PRPF39: variants seen among roughly 807,000 people sequenced by gnomAD.
The protein encoded by PRPF39 is pre-mRNA processing factor 39.
A neutral mutation model predicts 82.1 loss-of-function variants in PRPF39; 27 were observed. The ratio of observed to expected loss-of-function variants is 0.33; its 90% confidence interval spans 0.24 to 0.45. The LOEUF is 0.45. PRPF39 is among the 20% of genes least tolerant of loss of function. PRPF39 has a pLI of 1.00. For missense variants in PRPF39, 581 were observed against 796.9 expected, an observed-to-expected ratio of 0.73 and a Z score of 3.26; for synonymous variants, 261 against 256.4, an observed-to-expected ratio of 1.02 and a Z score of -0.17.
chr14:45,105,685 C>T (rs368654047), intron 5 of PRPF39, among the ~76,000 whole-genome samples: 9 of 151,922 alleles, frequency 5.9e-5, no homozygotes, highest in South Asian at 2.1e-4. Flanking sequence ...CGCCCCGACA[C>T]GGAGCTAATT....
At chr14:45,097,301 C>A (rs1054321379) in intron 4 of PRPF39, among the ~76,000 whole-genome samples, 5 of 144,040 alleles carry the variant, frequency 3.5e-5, no homozygotes, top group Admixed American at 1.4e-4. Flanking sequence ...TGCTCTTTGA[C>A]TTTTTTTTTT....
At chr14:45,097,109 C>T in intron 4 of PRPF39, 104 bp downstream of exon 4, 1 of 1,385,176 alleles carries the variant, frequency 7.2e-7, no homozygotes, top group Non-Finnish European at 9.4e-7. Flanking sequence ...AACTTCTATT[C>T]CATTGTTAAA....
chr14:45,106,707 C>T (rs1001192433), intron 5 of PRPF39, among the ~76,000 whole-genome samples: 1 of 151,926 alleles, frequency 6.6e-6, no homozygotes, highest in African/African-American at 2.4e-5. Context: ...TTATTTCAAG[C>T]TGTATGAATG....
At chr14:45,094,604 A>T (rs912392282) in intron 1 of PRPF39, among the ~76,000 whole-genome samples, 2 of 152,192 alleles carry the variant, frequency 1.3e-5, no homozygotes, top group Non-Finnish European at 2.9e-5. Context: ...TTCACTTTAA[A>T]AATTACTGTT....
In PRPF39 at chr14:45,114,262, G is replaced by A; in HGVS notation, c.1832+5G>A. 1 of 1,579,528 alleles carries A rather than the reference G, an allele frequency of 6.3e-7. No individual in the cohort carries two copies. The highest frequency in any genetic ancestry group is 8.7e-7 in the Non-Finnish European group (1 of 1,153,450). ...AAAAAGGAAAGCAGAAAATGGGTAT[G>A]TCACTTTTTGCTAAGTCAAGAAGGC... On this transcript the variant is annotated splice_donor_5th_base_variant and intron_variant, in intron 12 of 13. Transcript: ENST00000355765.
intron 7 of PRPF39, among the ~76,000 whole-genome samples, chr14:45,109,040 TTAAC>T (rs1477086070): frequency 6.6e-6 from 1 of 152,188 alleles, no homozygotes; most frequent in African/African-American, 2.4e-5. Flanking sequence ...AAATAACACC[TTAAC>T]TTTTAGTTGT....
Position 45,110,890 on chromosome 14 carries a change from T to A in PRPF39, c.1572+73T>A. The A allele has an allele frequency of 1.5e-6, 2 of 1,338,144 alleles. No individual in the cohort carries two copies. The highest frequency in any genetic ancestry group is 2.0e-6 in the Non-Finnish European group (2 of 985,206). The allele number at this position is 1,338,144 out of a possible 1,614,324, so 82.9% of individuals were successfully genotyped here. On this transcript the variant is annotated intron_variant, in intron 10 of 13. Transcript: ENST00000355765. This position sits in a 1 kb window ranked among gnomAD's most constrained non-coding sequence, Gnocchi z 4.0. ...GTCAGTGTATTTTCACTGTGGCAAC[T>A]GTGATGAAAGATTTGGTCTGTATGT... is the stretch of plus-strand genomic sequence containing the variant.
chr14:45,084,384 T>G (rs1480185133), intron 1 of PRPF39, 135 bp downstream of exon 1: 1 of 152,496 alleles, frequency 6.6e-6, no homozygotes, highest in Non-Finnish European at 1.5e-5. Context: ...TGGCTCGGAT[T>G]CAGCGCTCAG....
chr14:45,101,470 T>C (rs80172070), intron 4 of PRPF39, among the ~76,000 whole-genome samples: 14 of 152,206 alleles, frequency 9.2e-5, no homozygotes, highest in African/African-American at 3.1e-4. Context: ...CTTTTTTTTT[T>C]TCTTTGGAGA....
chr14:45,093,332 C>T (rs1256245849), intron 1 of PRPF39, among the ~76,000 whole-genome samples: 1 of 150,962 alleles, frequency 6.6e-6, no homozygotes, highest in South Asian at 2.1e-4. Flanking sequence ...AAGTGATACT[C>T]CTGCCTCAGC....
intron 2 of PRPF39, 161 bp downstream of exon 2, chr14:45,095,724 T>C: frequency 1.0e-6 from 1 of 965,470 alleles, no homozygotes. Flanking sequence ...GAAAATAGCT[T>C]ACAGCTTTTG....
chr14:45,084,350 C>G (rs1883752675), intron 1 of PRPF39, 101 bp downstream of exon 1: 1 of 152,622 alleles, frequency 6.6e-6, no homozygotes, highest in Admixed American at 6.5e-5. Context: ...GCCGCGGCCT[C>G]CCTCTCCCGC....
At chr14:45,092,039 T>C (rs983506246) in intron 1 of PRPF39, among the ~76,000 whole-genome samples, 1 of 152,236 alleles carries the variant, frequency 6.6e-6, no homozygotes, top group Non-Finnish European at 1.5e-5. Context: ...GTTTCAGATA[T>C]GGTCAAATCC....
chr14:45,114,053 T>G (rs904554357), intron 11 of PRPF39, 130 bp from the exon 12 acceptor site: 1 of 623,328 alleles, frequency 1.6e-6, no homozygotes, highest in African/African-American at 1.9e-5. Flanking sequence ...ATTTTAGTAG[T>G]AGAAATTTTA....
intron 2 of PRPF39, 138 bp downstream of exon 2, chr14:45,095,701 C>A: frequency 1.8e-6 from 2 of 1,140,622 alleles, no homozygotes; most frequent in Non-Finnish European, 2.4e-6. Flanking sequence ...TAGGTAGCTA[C>A]ATTTTTAGCT....
Position 45,115,187 on chromosome 14 carries a change from A to G in PRPF39, c.*274A>G. 4.4e-6 allele frequency: 1 copy of G among 226,460 alleles called. No homozygotes were observed. Among genetic ancestry groups the G allele is most frequent in the Non-Finnish European group, 8.7e-6 (1 of 114,986 alleles). The allele number at this position is 226,460 out of a possible 1,614,324, so 14.0% of individuals were successfully genotyped here. The stretch of plus-strand genomic sequence containing the variant: ...TAGAATTCTTTTGCAATGCATTTGC[A>G]ACAGAATTTTGTAGCCTTAAGGGGT... On this transcript the variant is annotated 3_prime_UTR_variant, in exon 14 of 14. Transcript: ENST00000355765.
chr14:45,098,464 AGAG>A, intron 4 of PRPF39, among the ~76,000 whole-genome samples: 1 of 137,410 alleles, frequency 7.3e-6, no homozygotes, highest in Non-Finnish European at 1.6e-5. Flanking sequence ...AAAAAAAAAG[AGAG>A]AGAGATCAAA....
chr14:45,101,638 G>A (rs1442653710), intron 4 of PRPF39, among the ~76,000 whole-genome samples: 1 of 151,730 alleles, frequency 6.6e-6, no homozygotes, highest in Non-Finnish European at 1.5e-5. Flanking sequence ...GCTAATTTTT[G>A]TATTTTTAGT....
chr14:45,086,231 G>C (rs915181272), intron 1 of PRPF39, among the ~76,000 whole-genome samples: 3 of 152,256 alleles, frequency 2.0e-5, no homozygotes, highest in Non-Finnish European at 4.4e-5. Context: ...ATGAGCCACC[G>C]TGCCCGGCCC....
Sources: allele counts gnomAD v4.1 joint callset (sites outside exome capture counted in the v4.1 genomes callset), GRCh38; gene constraint gnomAD v4.1.1; non-coding constraint Gnocchi (gnomAD v3.1); transcripts MANE v1.5; gene names NCBI Gene and HGNC (gene_info 2026-07-23, HGNC 2026-07-21).